The following FUBP3 variants were observed in gnomAD, a reference collection of about 807,000 sequenced individuals.
FUBP3 encodes the protein far upstream element binding protein 3, also known as far upstream element-binding protein 3.
In FUBP3, 28 loss-of-function variants were observed where a neutral mutation model predicts 85.6. The ratio of observed to expected loss-of-function variants is 0.33; its 90% CI spans 0.24 to 0.45. FUBP3 has a LOEUF of 0.45. Ranked by LOEUF, FUBP3 falls within the 20% of genes least tolerant of loss-of-function variation. The pLI is 1.00. For synonymous variants in FUBP3, 271 were observed against 271.4 expected (o/e 1.00, Z 0.01); for missense variants, 583 against 755.1 (o/e 0.77, Z 2.67).
At position 130,612,419 on chromosome 9, in the gene FUBP3, A is replaced by G; in HGVS notation, c.225-37A>G. On this transcript the variant is annotated intron_variant, in intron 3 of 18. Transcript: ENST00000319725. The surrounding 1 kb of genome is among the most constrained non-coding windows in gnomAD (Gnocchi z 4.1). ...ACCTAAAATGGCTGCAAAAGTCTGT[A>G]TTCTGTATTTTTTTCCAAAATGTTC... 1.5e-6 allele frequency: 2 copies of G among 1,365,820 alleles called. No individual in the cohort carries two copies. Among genetic ancestry groups the G allele is most frequent in the South Asian group, 2.4e-5 (2 of 83,306 alleles). The allele number at this position is 1,365,820 out of a possible 1,614,324, so 84.6% of individuals were successfully genotyped here. A position where few individuals can be genotyped will look rare whatever the true frequency, so the allele number is the denominator to read the frequency against.
At chr9:130,634,779 C>T (rs572706867) in intron 17 of FUBP3, 41 bp downstream of exon 17, 8 of 1,496,498 alleles carry the variant, frequency 5.3e-6, no homozygotes, top group South Asian at 3.5e-5. Context: ...GCACAGTCCC[C>T]TCCAGCCCAG....
intron 2 of FUBP3, among the ~76,000 whole-genome samples, chr9:130,598,563 A>G (rs1458271577): frequency 1.3e-5 from 2 of 152,250 alleles, no homozygotes; most frequent in African/African-American, 4.8e-5. Context: ...GTTACTTTGC[A>G]TTACAGCTTT....
chr9:130,620,162 A>G (rs900625820), intron 8 of FUBP3, among the ~76,000 whole-genome samples, 192 bp from the exon 9 acceptor site: 1 of 152,244 alleles, frequency 6.6e-6, no homozygotes, highest in Non-Finnish European at 1.5e-5. Context: ...ACATTTGGGC[A>G]GTGGAAAGAA....
In FUBP3 at chr9:130,635,303, A is replaced by G. The variant is rs1039771720; in HGVS notation, c.1582+565A>G. Among the ~76,000 whole-genome samples, 3 of 152,154 alleles carry G rather than the reference A, an allele frequency of 2.0e-5. No individual in the cohort carries two copies. The highest frequency in any genetic ancestry group is 2.0e-4 in the Admixed American group (3 of 15,282). ...CCCAACAAGCAAAAGGTCTCTGGGG[A>G]GTCACATAAAATCAGGACCAGACTC... is the stretch of plus-strand genomic sequence containing the variant. On this transcript the variant is annotated intron_variant, in intron 17 of 18. Coordinates refer to ENST00000319725, the MANE Select transcript of FUBP3 (RefSeq NM_003934.2). This position sits in a 1 kb window ranked among gnomAD's most constrained non-coding sequence, Gnocchi z 4.3.
At chr9:130,621,914 G>GA (rs369252578) in intron 9 of FUBP3, among the ~76,000 whole-genome samples, 184 of 142,684 alleles carry the variant, frequency 1.3e-3, no homozygotes, top group Non-Finnish European at 2.2e-3. Context: ...CAAAAAAAAA[G>GA]AAAAAAAAAA....
At chr9:130,589,703 A>ATTTTTTTTTT (rs1441029705) in intron 1 of FUBP3, among the ~76,000 whole-genome samples, 3 of 28,592 alleles carry the variant, frequency 1.0e-4, no homozygotes, top group African/African-American at 6.1e-4. Context: ...ATATATATAT[A>ATTTTTTTTTT]TATTTTTTTT....
intron 2 of FUBP3, among the ~76,000 whole-genome samples, chr9:130,609,442 TG>T (rs1367340830): frequency 1.9e-4 from 2 of 10,684 alleles, no homozygotes; most frequent in Non-Finnish European, 4.1e-4. Context: ...GTCTTGGGGG[TG>T]GGGGGGCCGG....
At chr9:130,615,771 C>T (rs1194205903) in intron 6 of FUBP3, among the ~76,000 whole-genome samples, 1 of 152,234 alleles carries the variant, frequency 6.6e-6, no homozygotes, top group Non-Finnish European at 1.5e-5. Context: ...CCGCCTCCCC[C>T]TTTCCCACCT....
Position 130,601,317 on chromosome 9 carries a change from G to A in FUBP3, c.190+5729G>A, listed in dbSNP as rs149708548. ...TTTCTCATGTTTGCCCAGAGCTGAT[G>A]GACAGACAGAGAAGTCACTTCCCAT... On this transcript the variant is annotated intron_variant, in intron 2 of 18. Transcript: ENST00000319725. Among the ~76,000 whole-genome samples, 351 of 152,296 alleles carry A rather than the reference G, an allele frequency of 2.3e-3. 3 individuals are homozygous for A. The highest frequency in any genetic ancestry group is 7.7e-3 in the African/African-American group (318 of 41,560).
chr9:130,589,370 G>A (rs1440568335), intron 1 of FUBP3, among the ~76,000 whole-genome samples: 4 of 151,362 alleles, frequency 2.6e-5, no homozygotes, highest in African/African-American at 9.7e-5. Flanking sequence ...TTGAGATGGA[G>A]TCTCGCTCTT....
intron 3 of FUBP3, among the ~76,000 whole-genome samples, chr9:130,610,589 A>C (rs1343916879): frequency 3.3e-5 from 5 of 152,260 alleles, no homozygotes; most frequent in African/African-American, 9.6e-5. Context: ...TACAAAGGCC[A>C]ATCTGTAAGA....
chr9:130,631,521 C>T, intron 13 of FUBP3, 36 bp from the exon 14 acceptor site: 2 of 1,574,560 alleles, frequency 1.3e-6, no homozygotes, highest in South Asian at 1.1e-5. Context: ...GGTGTGCAAC[C>T]AACAGCGGGT....
At position 130,590,014 on chromosome 9, in the gene FUBP3, C is replaced by G. The variant is rs991577470; in HGVS notation, c.85-5469C>G. Among the ~76,000 whole-genome samples the G allele has an allele frequency of 3.9e-5, 5 of 128,388 alleles. No homozygotes were observed. In the South Asian group the frequency reaches 1.3e-3, roughly 33 times the overall value. 84.2% of individuals were successfully genotyped at this position (128,388 alleles called of 152,430 possible). ...ACAGATATGAGCCACCACACCCGGC[C>G]TATTTAATTTTTTTTTTTTTTTTTT... On this transcript the variant is annotated intron_variant, in intron 1 of 18. Coordinates refer to ENST00000319725, the MANE Select transcript of FUBP3 (RefSeq NM_003934.2).
chr9:130,632,148 C>T (rs947809453), intron 15 of FUBP3, 54 bp from the exon 16 acceptor site: 26 of 1,509,562 alleles, frequency 1.7e-5, no homozygotes, highest in East Asian at 1.6e-4. Flanking sequence ...AAGAGGGAGA[C>T]GACAGGGGTG....
At position 130,617,836 on chromosome 9, in the gene FUBP3, C is replaced by G; in HGVS notation, c.607C>G (p.Pro203Ala). The G allele has an allele frequency of 6.2e-7, 1 of 1,609,828 alleles. No individual in the cohort carries two copies. Among genetic ancestry groups the G allele is most frequent in the Non-Finnish European group, 8.5e-7 (1 of 1,176,168 alleles). The part of the protein sequence containing the change: ...GVKMVMIQDG[P>A]LPTGADKPLR... The stretch of plus-strand genomic sequence containing the variant: ...GAAGATGGTCATGATCCAGGATGGC[C>G]CATTGCCCACGGGAGCAGACAAGCC... The change falls in exon 8 of 19, where the codon CCA becomes GCA. Residue 203 changes from proline (P) to alanine (A), a missense_variant. By Grantham distance (27) the Pro-to-Ala change is conservative (BLOSUM62 -1). Around this residue, in one of 3 missense-constraint regions of FUBP3, gnomAD observed 404 missense variants for 516.8 expected, o/e 0.78. Coordinates refer to ENST00000319725, the MANE Select transcript of FUBP3 (RefSeq NM_003934.2).
chr9:130,590,714 C>G (rs910242910), intron 1 of FUBP3, among the ~76,000 whole-genome samples: 1 of 152,128 alleles, frequency 6.6e-6, no homozygotes, highest in Non-Finnish European at 1.5e-5. Context: ...GGGCTCTGTG[C>G]ACTGGAAGTC....
rs188013785 is a variant in FUBP3 at position 130,579,832 on chromosome 9, G to A, written c.84+68G>A. The stretch of plus-strand genomic sequence containing the variant: ...GGGGCCTGGCGGGCGGGGAAGAGGG[G>A]TTCGGGCCTGGGGGGCGGGAGGCAG... On this transcript the variant is annotated intron_variant, in intron 1 of 18. Transcript: ENST00000319725. 5.8e-4 allele frequency: 568 copies of A among 980,888 alleles called. 5 individuals carry two copies. In the African/African-American group the frequency reaches 7.7e-3, roughly 13 times the overall value. The allele number at this position is 980,888 out of a possible 1,614,324, so 60.8% of individuals were successfully genotyped here.
Position 130,635,914 on chromosome 9 carries a change from G to A in FUBP3, c.1583-85G>A. On this transcript the variant is annotated intron_variant, in intron 17 of 18. Transcript: ENST00000319725. This position sits in a 1 kb window ranked among gnomAD's most constrained non-coding sequence, Gnocchi z 4.3. ...CCTGCCTTCCAGCCGTCCGGAGGGA[G>A]AGCAGATGCCCAGGGCCTTTGGGAA... The A allele has an allele frequency of 7.1e-7, 1 of 1,401,706 alleles. No homozygotes were observed. The highest frequency in any genetic ancestry group is 1.9e-5 in the Admixed American group (1 of 52,178). 86.8% of individuals were successfully genotyped at this position (1,401,706 alleles called of 1,614,324 possible).
intron 1 of FUBP3, among the ~76,000 whole-genome samples, chr9:130,589,310 A>G (rs553657666): frequency 1.3e-5 from 2 of 151,616 alleles, no homozygotes; most frequent in African/African-American, 2.4e-5. Context: ...CCTTCAATAC[A>G]TTATTTAATA....
Sources: allele counts gnomAD v4.1 joint callset (sites outside exome capture counted in the v4.1 genomes callset), GRCh38; gene constraint gnomAD v4.1.1; regional missense constraint gnomAD v4.1.1; non-coding constraint Gnocchi (gnomAD v3.1); transcripts MANE v1.5; gene names NCBI Gene and HGNC (gene_info 2026-07-23, HGNC 2026-07-21).